UBE2R2: variants seen among roughly 807,000 people sequenced by gnomAD.
UBE2R2 encodes the protein ubiquitin conjugating enzyme E2 R2, also known as ubiquitin-conjugating enzyme E2 R2.
A neutral mutation model predicts 27.8 loss-of-function variants in UBE2R2; 1 was observed. That is an observed-to-expected ratio of 0.04 (90% CI 0.01 to 0.17). The LOEUF is 0.17. Among genes scored for constraint, UBE2R2 ranks in the 10% least tolerant of loss-of-function variants. UBE2R2 has a pLI of 1.00. For synonymous variants in UBE2R2, 106 were observed against 113.3 expected (o/e 0.94, Z 0.41); for missense variants, 100 against 291.0 (o/e 0.34, Z 4.78).
chr9:33,876,318 T>C (rs1285306091), intron 1 of UBE2R2, among the ~76,000 whole-genome samples: 1 of 152,140 alleles, frequency 6.6e-6, no homozygotes. Flanking sequence ...ATTGCGCCAA[T>C]GCACTCTAGC....
At chr9:33,827,444 C>T (rs1018511709) in intron 1 of UBE2R2, among the ~76,000 whole-genome samples, 1 of 152,114 alleles carries the variant, frequency 6.6e-6, no homozygotes, top group Non-Finnish European at 1.5e-5. Flanking sequence ...AGTTCGGCAC[C>T]AGCCTGGTCA....
At chr9:33,819,545 G>T (rs1563978010) in intron 1 of UBE2R2, among the ~76,000 whole-genome samples, 1 of 152,154 alleles carries the variant, frequency 6.6e-6, no homozygotes, top group Non-Finnish European at 1.5e-5. Flanking sequence ...AAAAGATATT[G>T]CTGTGTTTAT....
intron 1 of UBE2R2, among the ~76,000 whole-genome samples, chr9:33,870,865 AG>A (rs1357261168): frequency 1.3e-5 from 2 of 152,182 alleles, no homozygotes; most frequent in Non-Finnish European, 2.9e-5. Flanking sequence ...TAGAAAACTG[AG>A]AGTTGTCCTT....
chr9:33,840,636 C>CT lies in UBE2R2; in HGVS notation c.177+22710dup, dbSNP rs1034711155. Among the ~76,000 whole-genome samples, 5 of 152,032 alleles carry CT rather than the reference C, an allele frequency of 3.3e-5. No individual in the cohort carries two copies. In the South Asian group the frequency reaches 1.0e-3, roughly 32 times the overall value. ...TGGGGAGGCAGAAGTCTGGTTTTCT[C>CT]TTTTTTTTAAATCATGTCCGCAGTT... On this transcript the variant is annotated intron_variant, in intron 1 of 4. Coordinates refer to ENST00000263228, the MANE Select transcript of UBE2R2 (RefSeq NM_017811.4).
chr9:33,828,827 G>A (rs904849328), intron 1 of UBE2R2, among the ~76,000 whole-genome samples: 1 of 151,860 alleles, frequency 6.6e-6, no homozygotes, highest in African/African-American at 2.4e-5. Context: ...TCTGCCTCCC[G>A]GGTTCAAGTG....
chr9:33,828,788 C>T (rs189256075), intron 1 of UBE2R2, among the ~76,000 whole-genome samples: 43 of 150,980 alleles, frequency 2.8e-4, no homozygotes, highest in African/African-American at 7.1e-4. Context: ...GGCTAGAGTG[C>T]GATGGCATGA....
At chr9:33,817,054 G>C (rs1180631892), upstream of UBE2R2, among the ~76,000 whole-genome samples, 1 of 151,892 alleles carries the variant, frequency 6.6e-6, no homozygotes, top group South Asian at 2.1e-4. Context: ...GGTGGGGGGA[G>C]GGGAGGGAGG....
At position 33,919,865 on chromosome 9, in the gene UBE2R2, T is replaced by G. The variant is rs1822764047; in HGVS notation, c.*2628T>G. ...CTTTTAGTTCTAATTGAGGCCTCAC[T>G]AGATGCTCTTCAGTTCTGTGTATTT... On this transcript the variant is annotated 3_prime_UTR_variant, in exon 5 of 5. Transcript: ENST00000263228. 6.6e-6 allele frequency: 1 copy of G among 152,196 alleles called. No individual in the cohort carries two copies. The highest frequency in any genetic ancestry group is 1.5e-5 in the Non-Finnish European group (1 of 68,024). The allele number at this position is 152,196 out of a possible 1,614,324, so 9.4% of individuals were successfully genotyped here.
intron 2 of UBE2R2, among the ~76,000 whole-genome samples, chr9:33,893,026 A>T (rs1822022983): frequency 6.6e-6 from 1 of 152,188 alleles, no homozygotes; most frequent in Non-Finnish European, 1.5e-5. Flanking sequence ...AGTGAGCTAT[A>T]ATCATGCTAC....
intron 1 of UBE2R2, chr9:33,818,754 C>G (rs895302304): frequency 6.6e-6 from 1 of 152,038 alleles, no homozygotes; most frequent in Non-Finnish European, 1.5e-5. Context: ...TGATAGCTTC[C>G]TACTTTCAGA....
chr9:33,904,175 G>A (rs1440546389), intron 3 of UBE2R2, among the ~76,000 whole-genome samples: 1 of 152,128 alleles, frequency 6.6e-6, no homozygotes, highest in Non-Finnish European at 1.5e-5. Flanking sequence ...GTGAGACAAG[G>A]GAGGTTTTAA....
intron 1 of UBE2R2, among the ~76,000 whole-genome samples, chr9:33,849,508 T>C (rs1820917964): frequency 6.6e-6 from 1 of 152,064 alleles, no homozygotes; most frequent in African/African-American, 2.4e-5. Context: ...TTCTTTGTAT[T>C]CATTTTCCTT....
chr9:33,863,749 A>G (rs1821299438), intron 1 of UBE2R2, among the ~76,000 whole-genome samples: 1 of 152,026 alleles, frequency 6.6e-6, no homozygotes, highest in Non-Finnish European at 1.5e-5. Flanking sequence ...GTGCAGTGGC[A>G]TGATCTCGGT....
intron 1 of UBE2R2, among the ~76,000 whole-genome samples, chr9:33,848,275 A>G (rs191139369): frequency 2.8e-4 from 43 of 152,270 alleles, no homozygotes; most frequent in Non-Finnish European, 5.7e-4. Context: ...CACGTTTGCC[A>G]GCTCCAATAT....
chr9:33,920,173 TA>T lies in UBE2R2; in HGVS notation c.*2940del, dbSNP rs1281950446. 7.0e-6 allele frequency: 1 copy of T among 143,434 alleles called. No individual in the cohort carries two copies. Among genetic ancestry groups the T allele is most frequent in the African/African-American group, 2.8e-5 (1 of 36,010 alleles). The allele number at this position is 143,434 out of a possible 1,614,324, so 8.9% of individuals were successfully genotyped here. ...AACAAACAAGGTTTACATTTACAACTAAAAGGATTCAGATGCAATTTTCAAC... is the reference window on the plus strand; with the variant it reads ...AACAAACAAGGTTTACATTTACAACTAAAGGATTCAGATGCAATTTTCAAC... On this transcript the variant is annotated 3_prime_UTR_variant, in exon 5 of 5. Transcript: ENST00000263228.
chr9:33,822,890 TTTC>T lies in UBE2R2; in HGVS notation c.177+4965_177+4967del, dbSNP rs144234174. On this transcript the variant is annotated intron_variant, in intron 1 of 4. Transcript: ENST00000263228. ...AGATATTTTATTTCTTTTTTTTCTT[TTTC>T]TTCTTCTTATTAATTTTTTTTTTTT... 8.3e-3 allele frequency among the ~76,000 whole-genome samples: 1,251 copies of T among 150,414 alleles called. 16 individuals are homozygous for T. Among genetic ancestry groups the T allele is most frequent in the African/African-American group, 0.028 (1,149 of 40,916 alleles).
intron 1 of UBE2R2, among the ~76,000 whole-genome samples, chr9:33,867,070 G>A (rs1279461977): frequency 1.3e-5 from 2 of 151,958 alleles, no homozygotes; most frequent in Admixed American, 1.3e-4. Flanking sequence ...TTTTTTTGGT[G>A]GTAAAGTATA....
intron 1 of UBE2R2, among the ~76,000 whole-genome samples, chr9:33,886,675 G>C (rs1007926344): frequency 1.4e-5 from 2 of 141,442 alleles, no homozygotes; most frequent in African/African-American, 5.0e-5. Flanking sequence ...AAAAAAAAAG[G>C]CTTTTATAAA....
chr9:33,897,346 T>G (rs538549354), intron 2 of UBE2R2, among the ~76,000 whole-genome samples: 1 of 140,974 alleles, frequency 7.1e-6, no homozygotes, highest in Non-Finnish European at 1.5e-5. Flanking sequence ...GACAAGAGTT[T>G]CGCTTTTGTT....
Sources: allele counts gnomAD v4.1 joint callset (sites outside exome capture counted in the v4.1 genomes callset), GRCh38; gene constraint gnomAD v4.1.1; transcripts MANE v1.5; gene names NCBI Gene and HGNC (gene_info 2026-07-23, HGNC 2026-07-21).